The following FGF1 variants were observed in gnomAD, a reference collection of about 807,000 sequenced individuals.
The protein encoded by FGF1 is fibroblast growth factor 1.
FGF1 carries 9 observed loss-of-function variants against 13.4 expected under a neutral mutation model. That is an observed-to-expected ratio of 0.67 (90% CI 0.40 to 1.17). The LOEUF (loss-of-function observed/expected upper bound fraction) is 1.17, where lower values mean the gene tolerates loss of function less well. FGF1 is among the 50% of genes most tolerant of loss of function. The pLI is 0.01. For synonymous variants in FGF1, 93 were observed against 79.0 expected (o/e 1.18, Z -0.94); for missense variants, 156 against 192.7 (o/e 0.81, Z 1.13).
At chr5:142,609,015 G>A (rs955790467) in intron 2 of FGF1, among the ~76,000 whole-genome samples, 1 of 151,950 alleles carries the variant, frequency 6.6e-6, no homozygotes, top group South Asian at 2.1e-4. Flanking sequence ...TTGAAAAACT[G>A]TTTTGACTTC....
At chr5:142,687,900 T>A (rs191368938), upstream of FGF1, among the ~76,000 whole-genome samples, 10 of 152,316 alleles carry the variant, frequency 6.6e-5, no homozygotes, top group Admixed American at 3.9e-4. Context: ...GGGCTCCAGA[T>A]TCCCCCCCTC....
In FGF1 at chr5:142,593,316, A is replaced by G. The variant is rs993346970; in HGVS notation, c.*1974T>C. On this transcript the variant is annotated 3_prime_UTR_variant, in exon 4 of 4. Coordinates refer to ENST00000337706, the MANE Select transcript of FGF1 (RefSeq NM_000800.5). ...AACTTGCCTGCAAAGATTTACTAAAATAAAACAGATTGATCTTATCCAAGT... is the reference window on the plus strand; with the variant it reads ...AACTTGCCTGCAAAGATTTACTAAAGTAAAACAGATTGATCTTATCCAAGT... 1.3e-5 allele frequency: 2 copies of G among 152,252 alleles called. No individual in the cohort carries two copies. The highest frequency in any genetic ancestry group is 2.9e-5 in the Non-Finnish European group (2 of 68,046). The allele number at this position is 152,252 out of a possible 1,614,324, so 9.4% of individuals were successfully genotyped here.
At chr5:142,607,296 G>A (rs533501578) in intron 2 of FGF1, among the ~76,000 whole-genome samples, 2 of 152,102 alleles carry the variant, frequency 1.3e-5, no homozygotes, top group Non-Finnish European at 2.9e-5. Flanking sequence ...AATACCCCCC[G>A]ACCAGGTTAG....
intron 2 of FGF1, among the ~76,000 whole-genome samples, chr5:142,697,313 T>G (rs1363105090): frequency 6.6e-6 from 1 of 152,238 alleles, no homozygotes; most frequent in African/African-American, 2.4e-5. Flanking sequence ...GTCTAATGAT[T>G]TCCTGGTAAA....
intron 1 of FGF1, among the ~76,000 whole-genome samples, chr5:142,659,158 T>C (rs763062767): frequency 2.0e-5 from 3 of 152,064 alleles, no homozygotes; most frequent in African/African-American, 4.8e-5. Context: ...ATGTATTTTT[T>C]TTTTTACAAA....
chr5:142,595,098 T>C lies in FGF1; in HGVS notation c.*192A>G, dbSNP rs1754973867. On this transcript the variant is annotated 3_prime_UTR_variant, in exon 4 of 4. Transcript: ENST00000337706. ...ACTCCTAGAAGCAATTTGGTCCCTCTGTTCTAAACTGTGCAGGGGTAAAAG... is the reference window on the plus strand; with the variant it reads ...ACTCCTAGAAGCAATTTGGTCCCTCCGTTCTAAACTGTGCAGGGGTAAAAG... 1 of 479,116 alleles carries C rather than the reference T, an allele frequency of 2.1e-6. No homozygotes were observed. The highest frequency in any genetic ancestry group is 3.6e-6 in the Non-Finnish European group (1 of 275,258). The allele number at this position is 479,116 out of a possible 1,614,324, so 29.7% of individuals were successfully genotyped here.
chr5:142,657,999 C>T (rs752115931), intron 1 of FGF1, among the ~76,000 whole-genome samples: 2 of 152,182 alleles, frequency 1.3e-5, no homozygotes, highest in African/African-American at 2.4e-5. Flanking sequence ...TGTGCCTCCA[C>T]CCTGGTCTTT....
chr5:142,682,651 G>A (rs996069261), intron 1 of FGF1, among the ~76,000 whole-genome samples: 9 of 152,134 alleles, frequency 5.9e-5, no homozygotes, highest in Non-Finnish European at 1.2e-4. Flanking sequence ...CCTCTCGTAA[G>A]TAGTATAATT....
At chr5:142,635,367 C>T (rs1048417143) in intron 1 of FGF1, among the ~76,000 whole-genome samples, 2 of 152,258 alleles carry the variant, frequency 1.3e-5, no homozygotes, top group African/African-American at 4.8e-5. Context: ...CCACCGCCAT[C>T]ATCACCTTTC....
chr5:142,685,886 C>CACAA, intron 1 of FGF1, 71 bp downstream of exon 1: 1 of 151,706 alleles, frequency 6.6e-6, no homozygotes, highest in Non-Finnish European at 1.5e-5. Flanking sequence ...CACACACACA[C>CACAA]ACACACACAC....
At chr5:142,649,694 A>C (rs2151971424) in intron 1 of FGF1, among the ~76,000 whole-genome samples, 1 of 152,274 alleles carries the variant, frequency 6.6e-6, no homozygotes, top group African/African-American at 2.4e-5. Flanking sequence ...GGTGTGAGCC[A>C]CCACGCCCGG....
intron 2 of FGF1, among the ~76,000 whole-genome samples, chr5:142,692,856 A>AAACAAACC (rs1554096663): frequency 4.6e-5 from 7 of 151,350 alleles, no homozygotes; most frequent in African/African-American, 1.5e-4. Flanking sequence ...ACAAACAAAC[A>AAACAAACC]AACCCAATCT....
chr5:142,620,188 T>A (rs561381888), intron 1 of FGF1, among the ~76,000 whole-genome samples: 1 of 151,976 alleles, frequency 6.6e-6, no homozygotes, highest in Admixed American at 6.6e-5. Context: ...GAGGCCGAGG[T>A]GGGCGGATCA....
At chr5:142,676,242 A>C (rs2152039021) in intron 1 of FGF1, among the ~76,000 whole-genome samples, 1 of 152,350 alleles carries the variant, frequency 6.6e-6, no homozygotes, top group African/African-American at 2.4e-5. Context: ...CCTTTGCCAG[A>C]AAATTTGCCA....
chr5:142,616,957 A>G (rs1760375032), intron 1 of FGF1, among the ~76,000 whole-genome samples: 2 of 152,322 alleles, frequency 1.3e-5, no homozygotes, highest in South Asian at 2.1e-4. Context: ...AACTGCACAA[A>G]TAGTCATTTG....
At chr5:142,672,280 G>T (rs1168194278) in intron 1 of FGF1, among the ~76,000 whole-genome samples, 1 of 152,046 alleles carries the variant, frequency 6.6e-6, no homozygotes, top group African/African-American at 2.4e-5. Context: ...CCTATAATGA[G>T]ATCTATTACT....
chr5:142,640,153 A>G (rs1389728659), intron 1 of FGF1, among the ~76,000 whole-genome samples: 15 of 152,010 alleles, frequency 9.9e-5, no homozygotes, highest in Non-Finnish European at 2.2e-4. Flanking sequence ...AAGAAACTCG[A>G]GAAGAAGAGA....
At chr5:142,640,358 C>T (rs1206926799) in intron 1 of FGF1, among the ~76,000 whole-genome samples, 4 of 144,040 alleles carry the variant, frequency 2.8e-5, no homozygotes, top group Non-Finnish European at 4.5e-5. Flanking sequence ...TGCTAATTCC[C>T]GTATCTCCTG....
intron 1 of FGF1, among the ~76,000 whole-genome samples, chr5:142,663,642 A>G (rs1478931700): frequency 1.3e-5 from 2 of 152,232 alleles, no homozygotes; most frequent in Non-Finnish European, 1.5e-5. Context: ...ACAGCGGAGG[A>G]GGGAGGTCTT....
Sources: allele counts gnomAD v4.1 joint callset (sites outside exome capture counted in the v4.1 genomes callset), GRCh38; gene constraint gnomAD v4.1.1; transcripts MANE v1.5; gene names NCBI Gene and HGNC (gene_info 2026-07-23, HGNC 2026-07-21).